Variants in PTPRN2 observed in about 807,000 individuals in gnomAD.
The protein encoded by PTPRN2 is protein tyrosine phosphatase receptor type N2, also known as receptor-type tyrosine-protein phosphatase N2.
A neutral mutation model predicts 118.8 loss-of-function variants in PTPRN2; 74 were observed. That is an observed-to-expected ratio of 0.62 (90% CI 0.52 to 0.76). The LOEUF is 0.76. Among genes scored for constraint, PTPRN2 ranks in the 30% least tolerant of loss-of-function variants. PTPRN2 has a pLI of 0.00. For missense variants in PTPRN2, 1,481 were observed against 1,394.4 expected (o/e 1.06, Z -0.99); for synonymous variants, 641 against 608.0 (o/e 1.05, Z -0.80).
chr7:158,074,792 C>T (rs1812218218), intron 11 of PTPRN2, among the ~76,000 whole-genome samples: 2 of 152,186 alleles, frequency 1.3e-5, no homozygotes, highest in Non-Finnish European at 2.9e-5. Flanking sequence ...AAGGCAGCAC[C>T]CTCTGCCAGC....
chr7:158,409,122 G>A (rs746121818), intron 2 of PTPRN2, among the ~76,000 whole-genome samples: 6 of 152,118 alleles, frequency 3.9e-5, no homozygotes, highest in East Asian at 1.9e-4. Flanking sequence ...AGAAGCCCCC[G>A]CAGGTAATGC....
intron 11 of PTPRN2, among the ~76,000 whole-genome samples, chr7:158,038,454 A>T (rs1808229138): frequency 1.3e-5 from 2 of 152,172 alleles, no homozygotes; most frequent in Admixed American, 6.5e-5. Context: ...TATTTTTATG[A>T]AATCACTAGA....
chr7:157,971,403 G>C (rs371019124), intron 11 of PTPRN2, among the ~76,000 whole-genome samples: 3 of 152,214 alleles, frequency 2.0e-5, no homozygotes, highest in African/African-American at 7.2e-5. Context: ...CCTCAGGACA[G>C]AGAAATTGAA....
At chr7:157,895,459 T>C (rs893615840) in intron 12 of PTPRN2, among the ~76,000 whole-genome samples, 1 of 151,964 alleles carries the variant, frequency 6.6e-6, no homozygotes, top group Non-Finnish European at 1.5e-5. Flanking sequence ...ATAAAATAAG[T>C]AGGTTTAAAA....
At chr7:157,988,050 C>G (rs1000929135) in intron 11 of PTPRN2, among the ~76,000 whole-genome samples, 2 of 152,138 alleles carry the variant, frequency 1.3e-5, no homozygotes, top group African/African-American at 2.4e-5. Flanking sequence ...ACCACTCCCC[C>G]TTTTGTCTTC....
intron 2 of PTPRN2, among the ~76,000 whole-genome samples, chr7:158,421,440 G>A (rs913350049): frequency 1.4e-4 from 21 of 152,206 alleles, no homozygotes; most frequent in African/African-American, 2.2e-4. Context: ...TCGACAAAGC[G>A]ACATTGAAAG....
At chr7:157,680,597 G>A (rs1451466466) in intron 13 of PTPRN2, among the ~76,000 whole-genome samples, 2 of 152,072 alleles carry the variant, frequency 1.3e-5, no homozygotes, top group Non-Finnish European at 1.5e-5. Context: ...GTCCTGCTCC[G>A]CCAAAACACA....
chr7:158,115,410 G>T (rs567033793), intron 9 of PTPRN2, among the ~76,000 whole-genome samples: 1 of 152,260 alleles, frequency 6.6e-6, no homozygotes, highest in South Asian at 2.1e-4. Flanking sequence ...GGCTCTGCAG[G>T]GTTGAAGGGA....
chr7:157,648,464 G>A (rs866046816), intron 14 of PTPRN2, among the ~76,000 whole-genome samples: 36 of 92,390 alleles, frequency 3.9e-4, no homozygotes, highest in Middle Eastern at 8.6e-3. Flanking sequence ...TCGGTGGGTC[G>A]GACCCATCCA....
intron 2 of PTPRN2, among the ~76,000 whole-genome samples, chr7:158,395,586 AGGGGT>A (rs1812354449): frequency 3.8e-5 from 1 of 26,306 alleles, no homozygotes; most frequent in African/African-American, 1.3e-4. Flanking sequence ...GCGAGGGGCC[AGGGGT>A]GAGGGGTGAG....
intron 14 of PTPRN2, among the ~76,000 whole-genome samples, 198 bp from the exon 15 acceptor site, chr7:157,621,707 T>C (rs1016752554): frequency 2.6e-5 from 4 of 152,260 alleles, no homozygotes; most frequent in Admixed American, 2.0e-4. Flanking sequence ...AATATGTGCA[T>C]TGTTAACACA....
chr7:157,577,562 C>G (rs1451916718), intron 18 of PTPRN2, among the ~76,000 whole-genome samples: 2 of 152,240 alleles, frequency 1.3e-5, no homozygotes, highest in Admixed American at 6.5e-5. Context: ...AGCAGAGCCA[C>G]GGGGAGGCCA....
In PTPRN2 at chr7:157,976,250, C is replaced by G. The variant is rs958430826; in HGVS notation, c.1724-77513G>C. Among the ~76,000 whole-genome samples the G allele has an allele frequency of 3.3e-5, 5 of 152,166 alleles. No individual in the cohort carries two copies. The East Asian group carries it at 9.6e-4, about 29-fold the overall frequency. Reference sequence around the variant, plus strand: ...TCTTTCTTCTCTGATGTGAGGTGCTCGGCGATTCCCAGGAGGCGCTGATGA... The same window carrying G: ...TCTTTCTTCTCTGATGTGAGGTGCTGGGCGATTCCCAGGAGGCGCTGATGA... On this transcript the variant is annotated intron_variant, in intron 11 of 22. Transcript: ENST00000389418.
intron 11 of PTPRN2, among the ~76,000 whole-genome samples, chr7:157,943,130 ATTCAAAGGAGGAG>A (rs1800248959): frequency 6.6e-6 from 1 of 152,190 alleles, no homozygotes; most frequent in Non-Finnish European, 1.5e-5. Flanking sequence ...CTGCTCCAAA[ATTCAAAGGAGGAG>A]TTCTCGAGAC....
intron 2 of PTPRN2, among the ~76,000 whole-genome samples, chr7:158,377,678 G>C (rs28362008): frequency 6.6e-6 from 1 of 152,188 alleles, no homozygotes; most frequent in Non-Finnish European, 1.5e-5. Context: ...AACCGGCATC[G>C]GTGGTTTATC....
intron 3 of PTPRN2, among the ~76,000 whole-genome samples, chr7:158,294,179 A>C (rs1449514504): frequency 6.6e-6 from 1 of 152,180 alleles, no homozygotes; most frequent in African/African-American, 2.4e-5. Context: ...TTTCAGCTCC[A>C]CTACAACCAT....
intron 14 of PTPRN2, among the ~76,000 whole-genome samples, chr7:157,634,428 A>G (rs1056892430): frequency 1.8e-4 from 28 of 152,218 alleles, no homozygotes; most frequent in African/African-American, 6.3e-4. Context: ...AGTACCATAG[A>G]AAATTAACTG....
chr7:157,830,674 T>C (rs886785933), intron 12 of PTPRN2, among the ~76,000 whole-genome samples: 1 of 152,226 alleles, frequency 6.6e-6, no homozygotes, highest in African/African-American at 2.4e-5. Context: ...GGCCACAGGA[T>C]ATCCCACAGG....
intron 12 of PTPRN2, among the ~76,000 whole-genome samples, chr7:157,873,446 T>C (rs1012448154): frequency 6.6e-6 from 1 of 152,112 alleles, no homozygotes; most frequent in Non-Finnish European, 1.5e-5. Flanking sequence ...GTCTGCAAGG[T>C]CCGTCTCGCC....
Sources: allele counts gnomAD v4.1 joint callset (sites outside exome capture counted in the v4.1 genomes callset), GRCh38; gene constraint gnomAD v4.1.1; transcripts MANE v1.5; gene names NCBI Gene and HGNC (gene_info 2026-07-23, HGNC 2026-07-21).